ASIC2: variants seen among roughly 807,000 people sequenced by gnomAD.
The protein encoded by ASIC2 is acid-sensing ion channel 2.
In ASIC2, 25 loss-of-function variants were observed where a neutral mutation model predicts 57.3. The observed-to-expected ratio is 0.44, with a 90% confidence interval of 0.32 to 0.61. ASIC2 has a LOEUF of 0.61. Ranked by LOEUF, ASIC2 falls within the 20% of genes least tolerant of loss-of-function variation. The probability of loss-of-function intolerance (pLI) is 0.06; values close to 1 mark genes in which losing one functional copy is unlikely to be tolerated. For missense variants in ASIC2, 641 were observed against 738.1 expected (o/e 0.87, Z 1.52); for synonymous variants, 319 against 307.5 (o/e 1.04, Z -0.39).
chr17:33,955,656 C>T (rs1391315298), intron 1 of ASIC2: 1 of 152,374 alleles, frequency 6.6e-6, no homozygotes, highest in Non-Finnish European at 1.5e-5. Context: ...GGTCTGAAGC[C>T]AGCCCCACGG....
intron 1 of ASIC2, among the ~76,000 whole-genome samples, chr17:33,253,112 G>A (rs541007761): frequency 6.6e-6 from 1 of 152,316 alleles, no homozygotes; most frequent in East Asian, 1.9e-4. Flanking sequence ...ATCCCTATAA[G>A]ATAGTTATCA....
At chr17:33,078,769 G>A (rs1316793901) in intron 3 of ASIC2, among the ~76,000 whole-genome samples, 2 of 152,194 alleles carry the variant, frequency 1.3e-5, no homozygotes, top group African/African-American at 4.8e-5. Flanking sequence ...TGATTGATTG[G>A]CTACCTCTCC....
chr17:33,789,436 A>G (rs530560666), intron 1 of ASIC2, among the ~76,000 whole-genome samples: 13 of 148,960 alleles, frequency 8.7e-5, no homozygotes, highest in African/African-American at 2.7e-4. Flanking sequence ...AACAGGCTTT[A>G]TTTGTGAGAT....
At chr17:33,351,262 C>T (rs1315235152) in intron 1 of ASIC2, among the ~76,000 whole-genome samples, 2 of 152,040 alleles carry the variant, frequency 1.3e-5, no homozygotes, top group African/African-American at 2.4e-5. Flanking sequence ...TCCCTACTTC[C>T]AAAGGCCCCC....
intron 1 of ASIC2, among the ~76,000 whole-genome samples, chr17:33,995,003 G>C (rs1446535963): frequency 1.3e-5 from 2 of 152,116 alleles, no homozygotes; most frequent in Non-Finnish European, 2.9e-5. Context: ...GGACATCAAA[G>C]AAATCCTGAG....
intron 1 of ASIC2, among the ~76,000 whole-genome samples, chr17:33,790,834 G>C (rs1911747978): frequency 1.3e-5 from 2 of 152,136 alleles, no homozygotes; most frequent in African/African-American, 4.8e-5. Context: ...TACTGATTGA[G>C]AATTTATCAT....
intron 1 of ASIC2, among the ~76,000 whole-genome samples, chr17:33,846,787 C>T (rs1031817556): frequency 6.6e-5 from 10 of 151,332 alleles, no homozygotes; most frequent in African/African-American, 2.2e-4. Context: ...TGCAGTGGCA[C>T]GATCTCGGCT....
chr17:33,885,328 G>C (rs8070346), intron 1 of ASIC2, among the ~76,000 whole-genome samples: 25,188 of 152,102 alleles, frequency 0.17, 2,160 homozygotes, highest in African/African-American at 0.22. Flanking sequence ...TTTTCGAGGG[G>C]ACTAAATGTG....
In ASIC2 at chr17:34,038,821, A is replaced by T. The variant is rs569356705; in HGVS notation, c.555+117157T>A. The T allele has an allele frequency of 1.2e-4, 194 of 1,612,084 alleles. 1 individual carries two copies. In the South Asian group the frequency reaches 2.0e-3, roughly 16 times the overall value. On this transcript the variant is annotated intron_variant, in intron 1 of 9. Coordinates refer to the ASIC2 transcript ENST00000359872. Reference sequence around the variant, plus strand: ...GCTCATTGGTTGCAGGAGGGGCCTGACCCATGGCAGGAGGTTTCCGCTTTG... The same window carrying T: ...GCTCATTGGTTGCAGGAGGGGCCTGTCCCATGGCAGGAGGTTTCCGCTTTG...
At chr17:33,176,315 G>A (rs749798547) in intron 1 of ASIC2, among the ~76,000 whole-genome samples, 1 of 152,152 alleles carries the variant, frequency 6.6e-6, no homozygotes, top group Non-Finnish European at 1.5e-5. Flanking sequence ...TACCTCCAGA[G>A]CCTGGCACAT....
chr17:33,650,375 T>C (rs1906880396), intron 1 of ASIC2, among the ~76,000 whole-genome samples: 1 of 152,168 alleles, frequency 6.6e-6, no homozygotes, highest in South Asian at 2.1e-4. Context: ...ACTCAGACAT[T>C]ACTGGCGAGC....
chr17:34,050,538 G>A (rs1345305784), intron 1 of ASIC2, among the ~76,000 whole-genome samples: 3 of 152,168 alleles, frequency 2.0e-5, no homozygotes, highest in Non-Finnish European at 2.9e-5. Flanking sequence ...AACATGTTCT[G>A]TATTGGAGAA....
chr17:33,911,192 G>A (rs1045007415), intron 1 of ASIC2, among the ~76,000 whole-genome samples: 2 of 152,208 alleles, frequency 1.3e-5, no homozygotes, highest in Non-Finnish European at 2.9e-5. Context: ...ATCATCCACA[G>A]AGAAAGAAGA....
At chr17:33,674,589 A>G (rs1029765507) in intron 1 of ASIC2, among the ~76,000 whole-genome samples, 1 of 152,260 alleles carries the variant, frequency 6.6e-6, no homozygotes, top group South Asian at 2.1e-4. Context: ...TGAACAAAAT[A>G]CTATTTTCTT....
intron 1 of ASIC2, among the ~76,000 whole-genome samples, chr17:34,077,447 G>C (rs1394471274): frequency 6.6e-6 from 1 of 152,136 alleles, no homozygotes; most frequent in Non-Finnish European, 1.5e-5. Context: ...TGTGAAGCCA[G>C]CAACACGACG....
intron 1 of ASIC2, among the ~76,000 whole-genome samples, chr17:33,330,536 C>G (rs1013400925): frequency 6.6e-6 from 1 of 152,188 alleles, no homozygotes; most frequent in East Asian, 1.9e-4. Flanking sequence ...GACAAGGAAA[C>G]TGGAGCCCAT....
intron 1 of ASIC2, among the ~76,000 whole-genome samples, chr17:33,354,595 A>G (rs1032992680): frequency 1.3e-5 from 2 of 151,470 alleles, no homozygotes; most frequent in African/African-American, 4.9e-5. Flanking sequence ...TGGTCCTTCT[A>G]TGTGCTCTGG....
At chr17:33,406,820 G>A (rs1214467163) in intron 1 of ASIC2, among the ~76,000 whole-genome samples, 1 of 152,186 alleles carries the variant, frequency 6.6e-6, no homozygotes, top group Non-Finnish European at 1.5e-5. Context: ...TGAGAGCCTA[G>A]AGAATTCTGG....
At chr17:33,368,727 T>C (rs912212323) in intron 1 of ASIC2, among the ~76,000 whole-genome samples, 16 of 152,180 alleles carry the variant, frequency 1.1e-4, no homozygotes, top group African/African-American at 3.6e-4. Flanking sequence ...TTATTTGGAC[T>C]TTGCTTCTTT....
Sources: allele counts gnomAD v4.1 joint callset (sites outside exome capture counted in the v4.1 genomes callset), GRCh38; gene constraint gnomAD v4.1.1; transcripts MANE v1.5; gene names NCBI Gene and HGNC (gene_info 2026-07-23, HGNC 2026-07-21).